CSMD1: variants seen among roughly 807,000 people sequenced by gnomAD.
CSMD1 encodes the protein CUB and Sushi multiple domains 1.
A neutral mutation model predicts 417.5 loss-of-function variants in CSMD1; 213 were observed. The observed-to-expected ratio is 0.51, with a 90% CI of 0.46 to 0.57. The LOEUF (loss-of-function observed/expected upper bound fraction) is 0.57, where lower values mean the gene tolerates loss of function less well. CSMD1 is among the 20% of genes least tolerant of loss of function. CSMD1 has a pLI of 0.00. For missense variants in CSMD1, 6,923 were observed against 4,529.7 expected (o/e 1.53, Z -15.17); for synonymous variants, 2,862 against 1,736.8 (o/e 1.65, Z -16.11).
chr8:3,151,694 C>T lies in CSMD1; in HGVS notation c.5915-181G>A, dbSNP rs557527469. 1.2e-4 allele frequency among the ~76,000 whole-genome samples: 19 copies of T among 152,326 alleles called. No homozygotes were observed. The South Asian group carries it at 3.9e-3, about 32-fold the overall frequency. On this transcript the variant is annotated intron_variant, in intron 39 of 69. Transcript: ENST00000635120. ...GTTATTTATGAGCTGTGCTCTCCCTCTTGACAGTGAACTGCTTTAGAATAA... is the reference window on the plus strand; with the variant it reads ...GTTATTTATGAGCTGTGCTCTCCCTTTTGACAGTGAACTGCTTTAGAATAA...
intron 18 of CSMD1, among the ~76,000 whole-genome samples, chr8:3,383,488 T>TC (rs1310719408): frequency 6.6e-6 from 1 of 151,766 alleles, no homozygotes; most frequent in Non-Finnish European, 1.5e-5. Flanking sequence ...GAAGCCTTCT[T>TC]CCACACTAGG....
At chr8:3,538,988 C>T (rs1381548482) in intron 10 of CSMD1, among the ~76,000 whole-genome samples, 2 of 152,156 alleles carry the variant, frequency 1.3e-5, no homozygotes, top group African/African-American at 4.8e-5. Flanking sequence ...CCTGCAGCAG[C>T]ATCTCATTGA....
At chr8:4,050,566 A>G (rs761331055) in intron 3 of CSMD1, among the ~76,000 whole-genome samples, 4 of 152,106 alleles carry the variant, frequency 2.6e-5, no homozygotes, top group Non-Finnish European at 5.9e-5. Context: ...CAAACAATCT[A>G]ATCATACTAC....
intron 3 of CSMD1, among the ~76,000 whole-genome samples, chr8:4,064,484 G>T (rs1015248690): frequency 6.6e-6 from 1 of 152,310 alleles, no homozygotes; most frequent in Middle Eastern, 3.4e-3. Context: ...GTCTAGAGCT[G>T]CATGTGCCTG....
At chr8:4,145,123 C>T (rs1231095924) in intron 3 of CSMD1, among the ~76,000 whole-genome samples, 1 of 150,992 alleles carries the variant, frequency 6.6e-6, no homozygotes, top group Non-Finnish European at 1.5e-5. Context: ...TTACATGGCG[C>T]AGATATAATA....
intron 1 of CSMD1, among the ~76,000 whole-genome samples, chr8:4,727,385 G>C (rs1809530781): frequency 6.6e-6 from 1 of 152,182 alleles, no homozygotes; most frequent in African/African-American, 2.4e-5. Context: ...TCCATTGAAA[G>C]CTTTGGAAAA....
chr8:3,519,302 C>A (rs935098820), intron 10 of CSMD1, among the ~76,000 whole-genome samples: 2 of 152,184 alleles, frequency 1.3e-5, no homozygotes, highest in African/African-American at 4.8e-5. Flanking sequence ...AATTCAAAAA[C>A]AGCTTCTACT....
At chr8:4,495,399 C>A (rs1230741097) in intron 2 of CSMD1, among the ~76,000 whole-genome samples, 1 of 151,994 alleles carries the variant, frequency 6.6e-6, no homozygotes, top group Non-Finnish European at 1.5e-5. Context: ...CGTGGTGAAA[C>A]CCCATCTCTA....
At chr8:3,413,053 C>G (rs528913596) in intron 12 of CSMD1, among the ~76,000 whole-genome samples, 1 of 152,252 alleles carries the variant, frequency 6.6e-6, no homozygotes, top group East Asian at 1.9e-4. Flanking sequence ...TCTCATCAAG[C>G]CTCAGTTTTC....
chr8:4,962,773 G>T (rs552284402), intron 1 of CSMD1, among the ~76,000 whole-genome samples: 2 of 152,204 alleles, frequency 1.3e-5, no homozygotes, highest in Non-Finnish European at 2.9e-5. Context: ...ATATGGCAGA[G>T]AGAGGGGACA....
At chr8:3,045,571 C>G (rs548510672) in intron 50 of CSMD1, among the ~76,000 whole-genome samples, 1 of 152,254 alleles carries the variant, frequency 6.6e-6, no homozygotes, top group Non-Finnish European at 1.5e-5. Flanking sequence ...TGGTCTATTA[C>G]CTATGGTGAC....
intron 5 of CSMD1, among the ~76,000 whole-genome samples, chr8:3,808,447 A>G (rs7009012): frequency 0.022 from 3,304 of 152,218 alleles, 132 homozygotes; most frequent in African/African-American, 0.074. Context: ...GAGTCTTCAA[A>G]AGCTGTGTTT....
At chr8:3,866,532 C>T (rs374007283) in intron 5 of CSMD1, among the ~76,000 whole-genome samples, 7 of 152,154 alleles carry the variant, frequency 4.6e-5, no homozygotes, top group African/African-American at 1.4e-4. Context: ...CTAATGTGTA[C>T]GTTTTGGTCT....
At chr8:4,662,890 G>A (rs1013018057) in intron 1 of CSMD1, among the ~76,000 whole-genome samples, 1 of 152,134 alleles carries the variant, frequency 6.6e-6, no homozygotes, top group African/African-American at 2.4e-5. Flanking sequence ...ATTCCAAAAT[G>A]AGTTAGCCAA....
intron 26 of CSMD1, among the ~76,000 whole-genome samples, chr8:3,275,069 T>G (rs949740224): frequency 3.3e-5 from 5 of 152,158 alleles, no homozygotes; most frequent in African/African-American, 1.2e-4. Context: ...CCTGGTACCT[T>G]TTGTTCCTTT....
intron 3 of CSMD1, among the ~76,000 whole-genome samples, chr8:4,389,923 G>C (rs1001844951): frequency 1.3e-5 from 2 of 152,210 alleles, no homozygotes; most frequent in African/African-American, 2.4e-5. Flanking sequence ...TATAATTCTA[G>C]GATGAATAGC....
At position 2,977,410 on chromosome 8, in the gene CSMD1, T is replaced by C. The variant is rs556355762; in HGVS notation, c.8566+1202A>G. ...GATAATGGCTTCCAAGCTCCATCCA[T>C]GTCTCTGCAAAGGACATAATCTCAT... is the stretch of plus-strand genomic sequence containing the variant. On this transcript the variant is annotated intron_variant, in intron 55 of 69. Transcript: ENST00000635120. 2.0e-5 allele frequency among the ~76,000 whole-genome samples: 3 copies of C among 152,372 alleles called. No individual in the cohort carries two copies. In the East Asian group the frequency reaches 5.8e-4, roughly 29 times the overall value.
At chr8:3,088,915 A>G (rs567025423) in intron 48 of CSMD1, among the ~76,000 whole-genome samples, 1 of 152,038 alleles carries the variant, frequency 6.6e-6, no homozygotes, top group Non-Finnish European at 1.5e-5. Flanking sequence ...CTCCAAAGTC[A>G]TAGATAAGTT....
intron 12 of CSMD1, among the ~76,000 whole-genome samples, chr8:3,440,285 C>G (rs1019944651): frequency 2.6e-5 from 4 of 152,168 alleles, no homozygotes; most frequent in African/African-American, 9.7e-5. Flanking sequence ...CATGAACATA[C>G]TATATCTCTC....
Sources: gnomAD v4.1 joint callset for allele counts (sites outside exome capture counted in the v4.1 genomes callset) on GRCh38, gnomAD v4.1.1 for gene constraint, MANE v1.5 for transcripts, NCBI Gene and HGNC (gene_info 2026-07-23, HGNC 2026-07-21) for gene names.